Variants in SENP7 observed in about 807,000 individuals in gnomAD.
SENP7 encodes sentrin-specific protease 7.
A neutral mutation model predicts 141.2 loss-of-function variants in SENP7; 64 were observed. That is an observed-to-expected ratio of 0.45 (90% CI 0.37 to 0.56). The LOEUF (loss-of-function observed/expected upper bound fraction) is 0.56. Ranked by LOEUF, SENP7 falls within the 20% of genes least tolerant of loss-of-function variation. The probability of loss-of-function intolerance (pLI) is 0.00; values close to 1 mark genes in which losing one functional copy is unlikely to be tolerated. For synonymous variants in SENP7, 382 were observed against 426.4 expected (o/e 0.90, Z 1.28); for missense variants, 1,025 against 1,212.2 (o/e 0.85, Z 2.29).
At chr3:101,460,199 A>G (rs2063502472) in intron 3 of SENP7, among the ~76,000 whole-genome samples, 2 of 152,178 alleles carry the variant, frequency 1.3e-5, no homozygotes, top group Non-Finnish European at 2.9e-5. Context: ...GCAGAAATGG[A>G]CAAACTGATC....
chr3:101,488,532 C>G (rs1274144410), intron 3 of SENP7, among the ~76,000 whole-genome samples: 1 of 152,126 alleles, frequency 6.6e-6, no homozygotes, highest in Non-Finnish European at 1.5e-5. Context: ...AAAAATTTCC[C>G]TAATCACAAT....
chr3:101,512,159 C>T (rs1054914627), intron 1 of SENP7, among the ~76,000 whole-genome samples: 2 of 152,146 alleles, frequency 1.3e-5, no homozygotes, highest in African/African-American at 4.8e-5. Context: ...CAGAAACCAA[C>T]GGTACCATCA....
chr3:101,376,725 G>A (rs1255068086), intron 6 of SENP7, among the ~76,000 whole-genome samples: 1 of 151,980 alleles, frequency 6.6e-6, no homozygotes, highest in Non-Finnish European at 1.5e-5. Flanking sequence ...CATGGCACAT[G>A]TATACATATG....
intron 4 of SENP7, among the ~76,000 whole-genome samples, chr3:101,436,467 T>A (rs893640019): frequency 6.6e-6 from 1 of 152,084 alleles, no homozygotes; most frequent in Non-Finnish European, 1.5e-5. Flanking sequence ...AAGGATACAA[T>A]CAACAAAGTG....
intron 8 of SENP7, among the ~76,000 whole-genome samples, chr3:101,367,233 GT>G: frequency 6.6e-6 from 1 of 152,212 alleles, no homozygotes; most frequent in South Asian, 2.1e-4. Flanking sequence ...TCTGAATCAT[GT>G]TTATAATTAC....
chr3:101,380,172 G>C (rs1000967400), intron 6 of SENP7, among the ~76,000 whole-genome samples: 1 of 152,142 alleles, frequency 6.6e-6, no homozygotes, highest in Non-Finnish European at 1.5e-5. Flanking sequence ...TTTAGGGGGA[G>C]AGAGGAATGA....
chr3:101,393,214 A>T (rs2060864650), intron 6 of SENP7, among the ~76,000 whole-genome samples: 1 of 152,222 alleles, frequency 6.6e-6, no homozygotes, highest in Non-Finnish European at 1.5e-5. Context: ...TAAAAATTTA[A>T]CCATAAGACC....
chr3:101,395,597 A>T (rs958118131), intron 6 of SENP7, among the ~76,000 whole-genome samples: 1 of 152,168 alleles, frequency 6.6e-6, no homozygotes, highest in African/African-American at 2.4e-5. Context: ...TTCACTCAGG[A>T]CTGCTTTGGC....
Position 101,453,876 on chromosome 3 carries a change from TA to T in SENP7, c.284+5078del, listed in dbSNP as rs78413840. On this transcript the variant is annotated intron_variant, in intron 4 of 23. Transcript: ENST00000394095. ...AAACTTAAAGTATAATTTAAAAAATTAAAAAAAAAAAACAAATGACCAATTA... is the reference window on the plus strand; with the variant it reads ...AAACTTAAAGTATAATTTAAAAAATTAAAAAAAAAAACAAATGACCAATTA... 3.4e-3 allele frequency among the ~76,000 whole-genome samples: 496 copies of T among 145,678 alleles called. 7 individuals are homozygous for T. The highest frequency in any genetic ancestry group is 0.012 in the African/African-American group (463 of 40,066).
intron 4 of SENP7, among the ~76,000 whole-genome samples, chr3:101,426,483 A>ATTT (rs59964136): frequency 1.4e-5 from 2 of 143,192 alleles, no homozygotes; most frequent in African/African-American, 5.0e-5. Context: ...GAGAAATAAG[A>ATTT]TTTTTTTTTT....
chr3:101,404,448 C>T (rs1369702211), intron 5 of SENP7, among the ~76,000 whole-genome samples: 2 of 152,058 alleles, frequency 1.3e-5, no homozygotes, highest in Non-Finnish European at 2.9e-5. Flanking sequence ...AAATGTAAAA[C>T]CTAAAAGTAT....
intron 6 of SENP7, among the ~76,000 whole-genome samples, chr3:101,392,500 C>T (rs2060844037): frequency 6.6e-6 from 1 of 152,042 alleles, no homozygotes; most frequent in African/African-American, 2.4e-5. Context: ...TGAAAGATCT[C>T]TAAATTGGAA....
chr3:101,411,341 C>T (rs6769428), intron 5 of SENP7, among the ~76,000 whole-genome samples: 60,369 of 151,978 alleles, frequency 0.4, 12,508 homozygotes, highest in Admixed American at 0.54. Flanking sequence ...CTATGCTCTG[C>T]AATCTTGATA....
At chr3:101,412,041 G>A (rs565942748) in intron 5 of SENP7, among the ~76,000 whole-genome samples, 2 of 152,110 alleles carry the variant, frequency 1.3e-5, no homozygotes, top group African/African-American at 2.4e-5. Context: ...CAAGGAAACT[G>A]TCATATTCAA....
intron 4 of SENP7, among the ~76,000 whole-genome samples, chr3:101,428,378 T>C (rs1026497533): frequency 1.1e-4 from 17 of 152,262 alleles, no homozygotes; most frequent in African/African-American, 4.1e-4. Flanking sequence ...GACTTTTTAA[T>C]GATCACCATT....
At chr3:101,357,620 G>T in intron 11 of SENP7, 1 of 884,016 alleles carries the variant, frequency 1.1e-6, no homozygotes, top group Non-Finnish European at 1.8e-6. Flanking sequence ...TGAGTGTAAG[G>T]TGCACAAAAG....
In SENP7 at chr3:101,366,423, C is replaced by T; in HGVS notation, c.1318+7G>A. ...TTAAGTAACTTTATAATCCTCCTGT[C>T]ACTTACTTGGTTCAGCTGAGATCAG... is the stretch of plus-strand genomic sequence containing the variant. On this transcript the variant is annotated splice_region_variant and intron_variant, in intron 9 of 23. Transcript: ENST00000394095. The T allele has an allele frequency of 6.5e-7, 1 of 1,535,920 alleles. No homozygotes were observed. Among genetic ancestry groups the T allele is most frequent in the East Asian group, 2.3e-5 (1 of 44,144 alleles).
chr3:101,368,779 GT>G (rs1163348448), intron 7 of SENP7, among the ~76,000 whole-genome samples: 1 of 152,090 alleles, frequency 6.6e-6, no homozygotes, highest in Non-Finnish European at 1.5e-5. Context: ...GAAAATTCAT[GT>G]CTTAAAGTTT....
rs971715157 is a variant in SENP7, at chr3:101,468,499, T to A, written c.187-9447A>T. Among the ~76,000 whole-genome samples, 5 of 152,306 alleles carry A rather than the reference T, an allele frequency of 3.3e-5. No individual in the cohort carries two copies. In the East Asian group the frequency reaches 9.6e-4, roughly 29 times the overall value. ...CACAAAGGGAAGCCCATCAAACTAATGGTGGATCTCTCGGAAGAAACCCTA... is the reference window on the plus strand; with the variant it reads ...CACAAAGGGAAGCCCATCAAACTAAAGGTGGATCTCTCGGAAGAAACCCTA... On this transcript the variant is annotated intron_variant, in intron 3 of 23. Coordinates refer to ENST00000394095, the MANE Select transcript of SENP7 (RefSeq NM_020654.5).
Sources: gnomAD v4.1 joint callset for allele counts (sites outside exome capture counted in the v4.1 genomes callset) on GRCh38, gnomAD v4.1.1 for gene constraint, MANE v1.5 for transcripts, NCBI Gene and HGNC (gene_info 2026-07-23, HGNC 2026-07-21) for gene names.